The following DTNB variants were observed in gnomAD, a reference collection of about 807,000 sequenced individuals.
DTNB encodes DTN-B.
DTNB carries 63 observed loss-of-function variants against 90.7 expected under a neutral mutation model. The ratio of observed to expected loss-of-function variants is 0.69; its 90% CI spans 0.57 to 0.86. The LOEUF (loss-of-function observed/expected upper bound fraction) is 0.86, where lower values mean the gene tolerates loss of function less well. DTNB is among the 40% of genes least tolerant of loss of function. DTNB has a pLI of 0.00. For missense variants in DTNB, 744 were observed against 807.1 expected (o/e 0.92, Z 0.95); for synonymous variants, 277 against 286.7 (o/e 0.97, Z 0.34).
At chr2:25,508,521 T>C (rs990481382) in intron 9 of DTNB, among the ~76,000 whole-genome samples, 7 of 148,762 alleles carry the variant, frequency 4.7e-5, no homozygotes, top group South Asian at 2.1e-4. Context: ...TTTTTTGAGA[T>C]GGAGTTTCGC....
At chr2:25,378,854 G>C (rs1431247182) in intron 20 of DTNB, among the ~76,000 whole-genome samples, 1 of 152,222 alleles carries the variant, frequency 6.6e-6, no homozygotes, top group Non-Finnish European at 1.5e-5. Flanking sequence ...GTCAGGGACT[G>C]TGATTCGGTG....
rs1041569018 is a variant in DTNB, at chr2:25,652,671, A to T, written c.-1-10T>A. 9 of 1,610,510 alleles carry T rather than the reference A, an allele frequency of 5.6e-6. No individual in the cohort carries two copies. The highest frequency in any genetic ancestry group is 7.6e-6 in the Non-Finnish European group (9 of 1,179,044). On this transcript the variant is annotated splice_polypyrimidine_tract_variant and intron_variant, in intron 1 of 20. Transcript: ENST00000406818. Reference sequence around the variant, plus strand: ...ACTTTCCTCAATCATCCTAGAGACAAAGAAAGATACAATAAACCACTGTAT... The same window carrying T: ...ACTTTCCTCAATCATCCTAGAGACATAGAAAGATACAATAAACCACTGTAT...
At chr2:25,517,931 G>C (rs150289933) in intron 9 of DTNB, among the ~76,000 whole-genome samples, 1 of 152,162 alleles carries the variant, frequency 6.6e-6, no homozygotes, top group African/African-American at 2.4e-5. Context: ...ACAGAACCTT[G>C]AGGGCATTAT....
chr2:25,660,344 T>C (rs1200508304), intron 1 of DTNB, among the ~76,000 whole-genome samples: 1 of 152,230 alleles, frequency 6.6e-6, no homozygotes, highest in Non-Finnish European at 1.5e-5. Flanking sequence ...ATGTATTATA[T>C]GATTCCAGTT....
chr2:25,663,572 T>C (rs2083716979), intron 1 of DTNB, among the ~76,000 whole-genome samples: 2 of 152,240 alleles, frequency 1.3e-5, no homozygotes, highest in Non-Finnish European at 2.9e-5. Flanking sequence ...TCATCTACTT[T>C]TAGTAAATTC....
chr2:25,412,106 T>C (rs956437919), intron 16 of DTNB, among the ~76,000 whole-genome samples: 18 of 152,230 alleles, frequency 1.2e-4, no homozygotes, highest in African/African-American at 4.3e-4. Context: ...CTGAAAGTAC[T>C]TTCTCTTAAA....
At chr2:25,620,132 T>C (rs1475915446) in intron 4 of DTNB, among the ~76,000 whole-genome samples, 1 of 151,936 alleles carries the variant, frequency 6.6e-6, no homozygotes, top group Non-Finnish European at 1.5e-5. Flanking sequence ...CCCAGACAGA[T>C]GTGGGAGCTG....
At chr2:25,609,575 C>A (rs1209196147) in intron 4 of DTNB, among the ~76,000 whole-genome samples, 3 of 116,618 alleles carry the variant, frequency 2.6e-5, no homozygotes, top group African/African-American at 3.4e-5. Flanking sequence ...GTTGCCTGGG[C>A]AACAAGAGCG....
In DTNB at chr2:25,673,487, G is replaced by A. The variant is rs1311030982; in HGVS notation, c.-103C>T. The A allele has an allele frequency of 1.3e-5, 2 of 150,934 alleles. No individual in the cohort carries two copies. Among genetic ancestry groups the A allele is most frequent in the Admixed American group, 6.6e-5 (1 of 15,166 alleles). 9.3% of individuals were successfully genotyped at this position (150,934 alleles called of 1,614,324 possible). A position where few individuals can be genotyped will look rare whatever the true frequency, so the allele number is the denominator to read the frequency against. On this transcript the variant is annotated 5_prime_UTR_variant, in exon 1 of 21. Coordinates refer to ENST00000406818, the MANE Select transcript of DTNB (RefSeq NM_021907.5). ...AGCCCCCTCGGCTGAGGCAGCGGCA[G>A]CGCCTACTCAGGCCCCGGAGCCACC... is the stretch of plus-strand genomic sequence containing the variant.
intron 4 of DTNB, among the ~76,000 whole-genome samples, chr2:25,610,103 T>A (rs1020551507): frequency 1.3e-5 from 2 of 152,204 alleles, no homozygotes; most frequent in African/African-American, 4.8e-5. Flanking sequence ...AACTATATTT[T>A]TTTTGTTGTT....
chr2:25,398,254 A>G (rs964786438), intron 16 of DTNB, among the ~76,000 whole-genome samples: 3 of 152,202 alleles, frequency 2.0e-5, no homozygotes, highest in Non-Finnish European at 4.4e-5. Flanking sequence ...ATCATTACCT[A>G]GGGCATGCCT....
chr2:25,673,559 C>G lies in DTNB; in HGVS notation c.-175G>C, dbSNP rs1334033081. Reference sequence around the variant, plus strand: ...GCCCGGCTCGCGCCGCTTCTCCGCCCGGCACGCGCAGCGCCCGCCCCCGGC... The same window carrying G: ...GCCCGGCTCGCGCCGCTTCTCCGCCGGGCACGCGCAGCGCCCGCCCCCGGC... On this transcript the variant is annotated 5_prime_UTR_variant, in exon 1 of 21. Coordinates refer to ENST00000406818, the MANE Select transcript of DTNB (RefSeq NM_021907.5). The G allele has an allele frequency of 6.8e-6, 1 of 147,690 alleles. No homozygotes were observed. Among genetic ancestry groups the G allele is most frequent in the South Asian group, 2.1e-4 (1 of 4,820 alleles). The allele number at this position is 147,690 out of a possible 1,614,324, so 9.1% of individuals were successfully genotyped here. A position where few individuals can be genotyped will look rare whatever the true frequency, so the allele number is the denominator to read the frequency against.
chr2:25,476,199 G>A (rs1164552688), intron 10 of DTNB, among the ~76,000 whole-genome samples: 2 of 151,930 alleles, frequency 1.3e-5, no homozygotes, highest in African/African-American at 4.8e-5. Context: ...CTCCCAAGTG[G>A]CTGGGATTAC....
chr2:25,599,985 C>T (rs935294973), intron 5 of DTNB, among the ~76,000 whole-genome samples: 2 of 152,118 alleles, frequency 1.3e-5, no homozygotes, highest in African/African-American at 4.8e-5. Flanking sequence ...GTACTCCCAG[C>T]TACTCAGGAG....
At chr2:25,615,938 T>C (rs1315691651) in intron 4 of DTNB, among the ~76,000 whole-genome samples, 2 of 152,216 alleles carry the variant, frequency 1.3e-5, no homozygotes, top group Non-Finnish European at 2.9e-5. Context: ...GCTATTTTCA[T>C]ATGCATCCAG....
chr2:25,520,741 AAAC>A (rs2075995982), intron 9 of DTNB, among the ~76,000 whole-genome samples: 1 of 152,252 alleles, frequency 6.6e-6, no homozygotes, highest in Admixed American at 6.5e-5. Context: ...TATAGGAAAA[AAAC>A]AACAAAGAGA....
In DTNB at chr2:25,441,218, T is replaced by C. The variant is rs990276116; in HGVS notation, c.1258-7223A>G. On this transcript the variant is annotated intron_variant, in intron 12 of 20. Coordinates refer to ENST00000406818, the MANE Select transcript of DTNB (RefSeq NM_021907.5). The stretch of plus-strand genomic sequence containing the variant: ...CTAAGGCAATCTGTATTGAACCAGG[T>C]TCACTCCAAAAACCCAGTTGGGGCC... Among the ~76,000 whole-genome samples the C allele has an allele frequency of 2.0e-5, 3 of 152,282 alleles. No individual in the cohort carries two copies. The South Asian group carries it at 6.2e-4, about 32-fold the overall frequency.
intron 1 of DTNB, among the ~76,000 whole-genome samples, chr2:25,653,515 CTTTTTT>C (rs1179518465): frequency 1.6e-5 from 1 of 62,250 alleles, no homozygotes; most frequent in African/African-American, 9.0e-5. Flanking sequence ...TTCTTTCTTT[CTTTTTT>C]TTTTTTTTTT....
chr2:25,436,375 A>C (rs6746082), intron 12 of DTNB, among the ~76,000 whole-genome samples: 45,458 of 151,690 alleles, frequency 0.3, 8,112 homozygotes, highest in East Asian at 0.63. Context: ...GCCAATGAAC[A>C]TGAGTAGGTG....
Sources: allele counts gnomAD v4.1 joint callset (sites outside exome capture counted in the v4.1 genomes callset), GRCh38; gene constraint gnomAD v4.1.1; transcripts MANE v1.5; gene names NCBI Gene and HGNC (gene_info 2026-07-23, HGNC 2026-07-21).